Variants in SSH2 observed in about 807,000 individuals in gnomAD.
SSH2 encodes the protein protein phosphatase Slingshot homolog 2.
A neutral mutation model predicts 135.2 loss-of-function variants in SSH2; 37 were observed. The observed-to-expected ratio is 0.27, with a 90% CI of 0.21 to 0.36. SSH2 has a LOEUF of 0.36. Among genes scored for constraint, SSH2 ranks in the 10% least tolerant of loss-of-function variants. The pLI, the probability that SSH2 is intolerant of heterozygous loss-of-function variation, is 1.00. For missense variants in SSH2, 1,408 were observed against 1,765.3 expected (o/e 0.80, Z 3.63); for synonymous variants, 628 against 646.2 (o/e 0.97, Z 0.43).
chr17:29,729,444 G>A (rs2040107403), intron 3 of SSH2, among the ~76,000 whole-genome samples: 1 of 152,202 alleles, frequency 6.6e-6, no homozygotes, highest in African/African-American at 2.4e-5. Flanking sequence ...GTTGGTAGGT[G>A]TGTAAACTAG....
At chr17:29,917,903 G>T (rs1201086816) in intron 1 of SSH2, among the ~76,000 whole-genome samples, 2 of 152,022 alleles carry the variant, frequency 1.3e-5, no homozygotes, top group Non-Finnish European at 2.9e-5. Context: ...ATCAGGCCAG[G>T]TGCATATGGC....
At chr17:29,770,159 G>T (rs145394518) in intron 3 of SSH2, among the ~76,000 whole-genome samples, 1 of 142,408 alleles carries the variant, frequency 7.0e-6, no homozygotes, top group South Asian at 2.2e-4. Context: ...GAGTACAGTG[G>T]TGCGATCTCT....
chr17:29,889,802 CAA>C (rs534822390), intron 1 of SSH2, among the ~76,000 whole-genome samples: 504 of 49,474 alleles, frequency 0.01, 7 homozygotes, highest in African/African-American at 0.036. Context: ...CCATCTCTAC[CAA>C]AAAAAAAAAA....
At chr17:29,742,232 T>C (rs981104895) in intron 3 of SSH2, among the ~76,000 whole-genome samples, 4 of 151,394 alleles carry the variant, frequency 2.6e-5, no homozygotes, top group Non-Finnish European at 4.4e-5. Context: ...ACTGGCCCGG[T>C]TGCTTCACTG....
intron 3 of SSH2, among the ~76,000 whole-genome samples, chr17:29,729,831 G>A (rs541425053): frequency 1.3e-5 from 2 of 150,614 alleles, no homozygotes; most frequent in Non-Finnish European, 3.0e-5. Context: ...AGCTAAAAAT[G>A]AAAACAATTG....
chr17:29,901,044 C>A (rs565612457), intron 1 of SSH2, among the ~76,000 whole-genome samples: 1 of 152,224 alleles, frequency 6.6e-6, no homozygotes, highest in East Asian at 1.9e-4. Context: ...AAACCAAACA[C>A]CGCATGTTCT....
At chr17:29,676,969 C>T in intron 7 of SSH2, 84 bp from the exon 8 acceptor site, 1 of 1,113,956 alleles carries the variant, frequency 9.0e-7, no homozygotes, top group South Asian at 1.3e-5. Flanking sequence ...GTATCCCAGG[C>T]TAAAAACAAC....
At chr17:29,889,085 A>G (rs1175527117) in intron 1 of SSH2, among the ~76,000 whole-genome samples, 1 of 152,152 alleles carries the variant, frequency 6.6e-6, no homozygotes, top group Non-Finnish European at 1.5e-5. Context: ...CCACATGCAA[A>G]CAAATACCAT....
rs373021747 is a variant in SSH2, at chr17:29,640,355, C to T, written c.1428-3553G>A. 8.2e-4 allele frequency among the ~76,000 whole-genome samples: 100 copies of T among 121,580 alleles called. 1 individual carries two copies. The highest frequency in any genetic ancestry group is 2.2e-3 in the African/African-American group (89 of 40,520). The allele number at this position is 121,580 out of a possible 152,430, so 79.8% of individuals were successfully genotyped here. On this transcript the variant is annotated intron_variant, in intron 14 of 15. Coordinates refer to ENST00000540801, the MANE Select transcript of SSH2 (RefSeq NM_001282129.2). The stretch of plus-strand genomic sequence containing the variant: ...CCTCCCAAAGTGCTGGGATTATAGG[C>T]GTGAGCCACCACGCCCGGCCCCTCC...
intron 5 of SSH2, among the ~76,000 whole-genome samples, chr17:29,693,399 C>T (rs2038576474): frequency 6.6e-6 from 1 of 152,140 alleles, no homozygotes; most frequent in Non-Finnish European, 1.5e-5. Flanking sequence ...GCAACCACCG[C>T]CTCTTGGGTT....
chr17:29,797,758 A>G (rs2042182527), intron 2 of SSH2, among the ~76,000 whole-genome samples: 2 of 152,120 alleles, frequency 1.3e-5, no homozygotes, highest in African/African-American at 4.8e-5. Context: ...AGTTAGCCAG[A>G]CATGGCACCT....
intron 3 of SSH2, among the ~76,000 whole-genome samples, chr17:29,724,589 T>TC (rs1371351965): frequency 6.9e-6 from 1 of 145,984 alleles, no homozygotes; most frequent in East Asian, 2.0e-4. Context: ...ATCTTTTTTT[T>TC]TTTTTTTTTT....
intron 3 of SSH2, among the ~76,000 whole-genome samples, chr17:29,732,879 C>G (rs573583116): frequency 1.3e-5 from 2 of 152,326 alleles, no homozygotes; most frequent in East Asian, 3.9e-4. Flanking sequence ...CCACACATAA[C>G]TCTGGTACAG....
chr17:29,771,164 G>A (rs746018923), intron 3 of SSH2, among the ~76,000 whole-genome samples: 4 of 152,140 alleles, frequency 2.6e-5, no homozygotes, highest in East Asian at 1.9e-4. Context: ...TATGTATTAC[G>A]TTATTCAAAG....
At chr17:29,806,291 G>A (rs895775267) in intron 2 of SSH2, among the ~76,000 whole-genome samples, 5 of 152,164 alleles carry the variant, frequency 3.3e-5, no homozygotes, top group Admixed American at 3.3e-4. Flanking sequence ...TTTTTCAGTT[G>A]ATGAATCTGC....
chr17:29,718,988 CAT>C (rs555105482), intron 3 of SSH2, among the ~76,000 whole-genome samples: 23 of 152,232 alleles, frequency 1.5e-4, no homozygotes, highest in African/African-American at 5.5e-4. Context: ...GGGCACACAT[CAT>C]AATTTCTGCA....
At chr17:29,766,020 CAAAAAAAA>C (rs56037567) in intron 3 of SSH2, among the ~76,000 whole-genome samples, 1 of 100,624 alleles carries the variant, frequency 9.9e-6, no homozygotes, top group Non-Finnish European at 2.0e-5. Context: ...ACTCCGTCTC[CAAAAAAAA>C]AAAAAAAAAG....
At chr17:29,831,134 C>A (rs2042837251) in intron 2 of SSH2, among the ~76,000 whole-genome samples, 2 of 152,096 alleles carry the variant, frequency 1.3e-5, no homozygotes, top group South Asian at 4.1e-4. Context: ...TTGCAGCTCA[C>A]CTTTAAGGCA....
rs114906113 is a variant in SSH2, at chr17:29,782,295, A to C, written c.188+11599T>G. On this transcript the variant is annotated intron_variant, in intron 3 of 15. Transcript: ENST00000540801. Reference sequence around the variant, plus strand: ...CTAGTACAGTAATCAATATTCTTCTATTCCTGTTCATTCACTAAGCATTTA... The same window carrying C: ...CTAGTACAGTAATCAATATTCTTCTCTTCCTGTTCATTCACTAAGCATTTA... Among the ~76,000 whole-genome samples the C allele has an allele frequency of 6.6e-3, 998 of 152,284 alleles. 6 individuals are homozygous for C. Among genetic ancestry groups the C allele is most frequent in the African/African-American group, 0.023 (957 of 41,552 alleles).
Sources: allele counts gnomAD v4.1 joint callset (sites outside exome capture counted in the v4.1 genomes callset), GRCh38; gene constraint gnomAD v4.1.1; transcripts MANE v1.5; gene names NCBI Gene and HGNC (gene_info 2026-07-23, HGNC 2026-07-21).